KDM2B: variants seen among roughly 807,000 people sequenced by gnomAD.
KDM2B encodes the protein lysine demethylase 2B.
Under a neutral mutation model 150.0 loss-of-function variants are expected in KDM2B, and 26 were observed. The ratio of observed to expected loss-of-function variants is 0.17; its 90% CI spans 0.13 to 0.24. KDM2B has a LOEUF of 0.24. Among genes scored for constraint, KDM2B ranks in the 10% least tolerant of loss-of-function variants. KDM2B has a pLI of 1.00. For synonymous variants in KDM2B, 734 were observed against 729.5 expected, an observed-to-expected ratio of 1.01 and a Z score of -0.10; for missense variants, 1,265 against 1,816.9, an observed-to-expected ratio of 0.70 and a Z score of 5.52.
At chr12:121,526,439 C>G (rs1887140037) in intron 8 of KDM2B, among the ~76,000 whole-genome samples, 1 of 152,176 alleles carries the variant, frequency 6.6e-6, no homozygotes, top group African/African-American at 2.4e-5. Flanking sequence ...TCCCAAGTCT[C>G]CTGACTCCCA....
At chr12:121,462,517 G>T (rs569221267) in intron 12 of KDM2B, among the ~76,000 whole-genome samples, 5 of 150,006 alleles carry the variant, frequency 3.3e-5, no homozygotes, top group Non-Finnish European at 5.9e-5. Context: ...TTTTTGAGAC[G>T]GAGTCTCGTA....
At position 121,513,671 on chromosome 12, in the gene KDM2B, T is replaced by TA. The variant is rs1196300039; in HGVS notation, c.1048-270_1048-269insT. Among the ~76,000 whole-genome samples, 3 of 152,080 alleles carry TA rather than the reference T, an allele frequency of 2.0e-5. No individual in the cohort carries two copies. Among genetic ancestry groups the TA allele is most frequent in the African/African-American group, 7.2e-5 (3 of 41,414 alleles). The stretch of plus-strand genomic sequence containing the variant: ...CAGAGGTTGGATGGGGGCCACTTGA[T>TA]GCTCCCGTGAGATGCAGAAAAACAG... On this transcript the variant is annotated intron_variant, in intron 9 of 22. Transcript: ENST00000377071. This position sits in a 1 kb window ranked among gnomAD's most constrained non-coding sequence, Gnocchi z 5.0.
chr12:121,580,040 T>C (rs1555317665), intron 1 of KDM2B: 5 of 1,605,986 alleles, frequency 3.1e-6, no homozygotes, highest in Non-Finnish European at 4.2e-6. Flanking sequence ...CCAGAGTCTT[T>C]CTCTGCCTCC....
chr12:121,543,784 T>C (rs1270200297), intron 6 of KDM2B, among the ~76,000 whole-genome samples: 2 of 151,264 alleles, frequency 1.3e-5, no homozygotes, highest in Non-Finnish European at 2.9e-5. Flanking sequence ...TGCCACTGCA[T>C]TCCAGCCTGG....
chr12:121,575,053 A>G lies in KDM2B; in HGVS notation c.351-460T>C, dbSNP rs1420287649. Among the ~76,000 whole-genome samples the G allele has an allele frequency of 6.6e-6, 1 of 152,232 alleles. No homozygotes were observed. The highest frequency in any genetic ancestry group is 1.5e-5 in the Non-Finnish European group (1 of 68,038). On this transcript the variant is annotated intron_variant, in intron 3 of 22. Coordinates refer to ENST00000377071, the MANE Select transcript of KDM2B (RefSeq NM_032590.5). The surrounding 1 kb of genome is among the most constrained non-coding windows in gnomAD (Gnocchi z 4.4). ...AGAGGGAAAAAAAGACACGCATTGT[A>G]CTAGTTCCAGGGATGTGGTAATATG...
Position 121,467,149 on chromosome 12 carries a change from G to A in KDM2B, c.1735-13805C>T. The stretch of plus-strand genomic sequence containing the variant: ...GGTCCCTCCCTCAGCCCCACCCCGG[G>A]CCGCCGACCTGGTCCGGCTCCGATT... On this transcript the variant is annotated intron_variant, in intron 12 of 22. Coordinates refer to ENST00000377071, the MANE Select transcript of KDM2B (RefSeq NM_032590.5). The surrounding 1 kb of genome is among the most constrained non-coding windows in gnomAD (Gnocchi z 5.1). The A allele has an allele frequency of 8.9e-7, 1 of 1,120,434 alleles. No homozygotes were observed. The highest frequency in any genetic ancestry group is 1.8e-5 in the South Asian group (1 of 56,928). 69.4% of individuals were successfully genotyped at this position (1,120,434 alleles called of 1,614,324 possible). A position where few individuals can be genotyped will look rare whatever the true frequency, so the allele number is the denominator to read the frequency against.
At chr12:121,578,671 C>G in intron 2 of KDM2B, 131 bp downstream of exon 2, 1 of 228,082 alleles carries the variant, frequency 4.4e-6, no homozygotes, top group Non-Finnish European at 7.9e-6. Flanking sequence ...CAGTGCTCGG[C>G]CTCGTTTCGT....
At chr12:121,439,527 C>T (rs904498263) in intron 22 of KDM2B, among the ~76,000 whole-genome samples, 98 of 152,022 alleles carry the variant, frequency 6.4e-4, no homozygotes, top group African/African-American at 2.2e-3. Context: ...TTACAGGCGC[C>T]GGCCACCAAC....
intron 2 of KDM2B, among the ~76,000 whole-genome samples, chr12:121,578,003 C>T (rs970123066): frequency 1.3e-5 from 2 of 152,138 alleles, no homozygotes; most frequent in East Asian, 1.9e-4. Flanking sequence ...CCCCAGATTC[C>T]GCTCTCAATT....
chr12:121,426,438 ACC>A (rs1372576895), downstream of KDM2B, among the ~76,000 whole-genome samples: 17 of 110,524 alleles, frequency 1.5e-4, 1 homozygote, highest in East Asian at 5.9e-4. Flanking sequence ...ATGCCTTTCT[ACC>A]CCCTCCCCCC....
intron 11 of KDM2B, among the ~76,000 whole-genome samples, chr12:121,505,861 T>C (rs1885021557): frequency 6.6e-6 from 1 of 152,138 alleles, no homozygotes; most frequent in Non-Finnish European, 1.5e-5. Flanking sequence ...AGCTGTTTTT[T>C]ATTTCTTGGC....
intron 12 of KDM2B, 70 bp downstream of exon 12, chr12:121,494,509 G>T: frequency 1.6e-6 from 2 of 1,233,080 alleles, no homozygotes; most frequent in Non-Finnish European, 2.3e-6. Flanking sequence ...AAAAGTCGCG[G>T]CTGTTCACCC....
At chr12:121,536,160 G>A (rs782663155) in intron 6 of KDM2B, 78 of 935,922 alleles carry the variant, frequency 8.3e-5, no homozygotes, top group Non-Finnish European at 9.8e-5. Context: ...GTTAGAAGGC[G>A]GAGGGCTCCT....
intron 11 of KDM2B, among the ~76,000 whole-genome samples, chr12:121,495,986 C>G (rs1883895224): frequency 6.6e-6 from 1 of 152,090 alleles, no homozygotes; most frequent in Non-Finnish European, 1.5e-5. Flanking sequence ...AGGGAATTCT[C>G]ACTCTGCCAG....
At position 121,575,158 on chromosome 12, in the gene KDM2B, G is replaced by A. The variant is rs1891417788; in HGVS notation, c.351-565C>T. ...AGGGATGGACTCTTGAGCAAGTCTG[G>A]GAGCAGATGCTGGAGAGAGGCTGCC... On this transcript the variant is annotated intron_variant, in intron 3 of 22. Coordinates refer to ENST00000377071, the MANE Select transcript of KDM2B (RefSeq NM_032590.5). The surrounding 1 kb of genome is among the most constrained non-coding windows in gnomAD (Gnocchi z 4.4). Among the ~76,000 whole-genome samples, 1 of 152,228 alleles carries A rather than the reference G, an allele frequency of 6.6e-6. No homozygotes were observed. The highest frequency in any genetic ancestry group is 2.4e-5 in the African/African-American group (1 of 41,458).
rs1356818402 is a variant in KDM2B at position 121,468,003 on chromosome 12, C to T, written c.1735-14659G>A. 6.5e-6 allele frequency: 1 copy of T among 152,788 alleles called. No individual in the cohort carries two copies. The highest frequency in any genetic ancestry group is 6.5e-5 in the Admixed American group (1 of 15,310). 9.5% of individuals were successfully genotyped at this position (152,788 alleles called of 1,614,324 possible). A position where few individuals can be genotyped will look rare whatever the true frequency, so the allele number is the denominator to read the frequency against. On this transcript the variant is annotated intron_variant, in intron 12 of 22. Coordinates refer to ENST00000377071, the MANE Select transcript of KDM2B (RefSeq NM_032590.5). The surrounding 1 kb of genome is among the most constrained non-coding windows in gnomAD (Gnocchi z 4.0). ...GCTGCACCTCCGGCACTCGGGTTCG[C>T]CTTTGCAGGGTCAAGTAGTGCAGGC...
At chr12:121,501,573 C>T (rs1259746970) in intron 11 of KDM2B, among the ~76,000 whole-genome samples, 1 of 151,946 alleles carries the variant, frequency 6.6e-6, no homozygotes, top group Non-Finnish European at 1.5e-5. Context: ...TGACTTCTGG[C>T]CCCCCAGGAC....
intron 12 of KDM2B, among the ~76,000 whole-genome samples, chr12:121,492,768 G>A (rs1224746117): frequency 6.6e-6 from 1 of 151,010 alleles, no homozygotes; most frequent in East Asian, 2.0e-4. Flanking sequence ...GGCGGAGGAT[G>A]CAGTGAGCCG....
rs998292007 is a variant in KDM2B at position 121,533,070 on chromosome 12, G to C, written c.778-111C>G. On this transcript the variant is annotated intron_variant, in intron 7 of 22. Transcript: ENST00000377071. The surrounding 1 kb of genome is among the most constrained non-coding windows in gnomAD (Gnocchi z 4.1). ...AGGGGGCGAGACAAGCTGTGTGTGG[G>C]GTGGGGGGTGTGGAGAGATGGCAGA... 63 of 1,073,002 alleles carry C rather than the reference G, an allele frequency of 5.9e-5. No homozygotes were observed. The highest frequency in any genetic ancestry group is 8.0e-5 in the Non-Finnish European group (59 of 734,168). The allele number at this position is 1,073,002 out of a possible 1,614,324, so 66.5% of individuals were successfully genotyped here. A position where few individuals can be genotyped will look rare whatever the true frequency, so the allele number is the denominator to read the frequency against.
Sources: gnomAD v4.1 joint callset for allele counts (sites outside exome capture counted in the v4.1 genomes callset) on GRCh38, gnomAD v4.1.1 for gene constraint, Gnocchi (gnomAD v3.1) non-coding constraint, MANE v1.5 for transcripts, NCBI Gene and HGNC (gene_info 2026-07-23, HGNC 2026-07-21) for gene names.